SLC1A7: variants seen among roughly 807,000 people sequenced by gnomAD.
The protein encoded by SLC1A7 is solute carrier family 1 member 7.
SLC1A7 carries 40 observed loss-of-function variants against 47.7 expected under a neutral mutation model. That is an observed-to-expected ratio of 0.84 (90% CI 0.65 to 1.09). The LOEUF (loss-of-function observed/expected upper bound fraction) is 1.09. SLC1A7 is among the 50% of genes least tolerant of loss of function. SLC1A7 has a pLI of 0.00. For synonymous variants in SLC1A7, 323 were observed against 325.6 expected, an observed-to-expected ratio of 0.99 and a Z score of 0.09; for missense variants, 746 against 769.5, an observed-to-expected ratio of 0.97 and a Z score of 0.36.
At chr1:53,094,162 T>C (rs1200192314) in intron 5 of SLC1A7, among the ~76,000 whole-genome samples, 2 of 152,220 alleles carry the variant, frequency 1.3e-5, no homozygotes, top group Admixed American at 6.5e-5. Flanking sequence ...TTTTTTCCCG[T>C]CTCCTCTGCG....
chr1:53,104,102 C>A (rs1369426506), intron 4 of SLC1A7, among the ~76,000 whole-genome samples: 1 of 152,116 alleles, frequency 6.6e-6, no homozygotes, highest in Non-Finnish European at 1.5e-5. Context: ...ATGGGTCTCA[C>A]CCCATCATCC....
intron 3 of SLC1A7, among the ~76,000 whole-genome samples, chr1:53,112,400 C>G (rs2150331133): frequency 6.6e-6 from 1 of 152,350 alleles, no homozygotes; most frequent in East Asian, 1.9e-4. Context: ...CAGTCCAAAC[C>G]AGCAGAACTT....
chr1:53,135,814 G>A (rs1441887687), intron 1 of SLC1A7, among the ~76,000 whole-genome samples: 2 of 152,222 alleles, frequency 1.3e-5, no homozygotes, highest in Admixed American at 1.3e-4. Flanking sequence ...TTCAGAGGGT[G>A]AGGTTGTGGG....
At chr1:53,112,557 G>A (rs919773301) in intron 3 of SLC1A7, among the ~76,000 whole-genome samples, 3 of 152,256 alleles carry the variant, frequency 2.0e-5, no homozygotes, top group Non-Finnish European at 4.4e-5. Flanking sequence ...TATCCCCACG[G>A]GGGAGGAAAG....
At chr1:53,092,442 G>C (rs1280810443) in intron 7 of SLC1A7, 112 bp downstream of exon 7, 2 of 770,496 alleles carry the variant, frequency 2.6e-6, no homozygotes, top group Non-Finnish European at 4.4e-6. Flanking sequence ...TTGTGAGGTG[G>C]GCCACACTGG....
intron 2 of SLC1A7, among the ~76,000 whole-genome samples, chr1:53,125,208 C>G (rs1258656267): frequency 1.3e-5 from 2 of 152,200 alleles, no homozygotes; most frequent in African/African-American, 2.4e-5. Flanking sequence ...CGTTCCTATA[C>G]TAATGTAATG....
chr1:53,133,821 C>A (rs1378695916), intron 2 of SLC1A7, among the ~76,000 whole-genome samples: 1 of 148,740 alleles, frequency 6.7e-6, no homozygotes, highest in Non-Finnish European at 1.5e-5. Flanking sequence ...CCGCCCTTGT[C>A]CCCAAGTCCC....
intron 4 of SLC1A7, 53 bp downstream of exon 4, chr1:53,105,679 C>T: frequency 2.2e-6 from 3 of 1,375,198 alleles, no homozygotes; most frequent in South Asian, 1.2e-5. Context: ...CTGCTGCCTG[C>T]CCTCCTGCCT....
At chr1:53,090,000 C>T in intron 8 of SLC1A7, 66 bp from the exon 9 acceptor site, 1 of 1,582,320 alleles carries the variant, frequency 6.3e-7, no homozygotes, top group Non-Finnish European at 8.6e-7. Flanking sequence ...GGGTCTGGCT[C>T]CAAGGAAGAG....
At chr1:53,115,220 C>T (rs1198445042) in intron 2 of SLC1A7, 6 of 568,844 alleles carry the variant, frequency 1.1e-5, no homozygotes, top group Non-Finnish European at 1.9e-5. Flanking sequence ...GCAGAGAGCC[C>T]AGGCCAGGGT....
At chr1:53,133,903 C>A (rs1355152207) in intron 2 of SLC1A7, among the ~76,000 whole-genome samples, 1 of 152,116 alleles carries the variant, frequency 6.6e-6, no homozygotes, top group East Asian at 1.9e-4. Flanking sequence ...GTTGTTATTC[C>A]CATTTTACAG....
chr1:53,095,907 C>T (rs1644482722), intron 5 of SLC1A7, among the ~76,000 whole-genome samples: 1 of 150,448 alleles, frequency 6.6e-6, no homozygotes, highest in Non-Finnish European at 1.5e-5. Context: ...TACACTCACA[C>T]AACCCGCCTC....
At chr1:53,105,641 C>T (rs1199434359) in intron 4 of SLC1A7, 91 bp downstream of exon 4, 26 of 1,009,654 alleles carry the variant, frequency 2.6e-5, no homozygotes, top group Admixed American at 5.1e-5. Context: ...GCCAGCACAC[C>T]TGTCACTTCC....
At chr1:53,117,227 G>T (rs192477345) in intron 2 of SLC1A7, among the ~76,000 whole-genome samples, 5 of 152,176 alleles carry the variant, frequency 3.3e-5, no homozygotes, top group Admixed American at 3.3e-4. Context: ...CGTGCTGTTC[G>T]ATGTGGCCCG....
chr1:53,103,266 T>G, intron 5 of SLC1A7, 80 bp downstream of exon 5: 1 of 995,868 alleles, frequency 1.0e-6, no homozygotes, highest in Non-Finnish European at 1.5e-6. Flanking sequence ...CAGACCTCAG[T>G]AAGAGGTGGA....
intron 2 of SLC1A7, among the ~76,000 whole-genome samples, chr1:53,133,626 C>A (rs1644962727): frequency 6.6e-6 from 1 of 152,168 alleles, no homozygotes; most frequent in African/African-American, 2.4e-5. Flanking sequence ...ATCTGGAATA[C>A]TCAAGACCTG....
chr1:53,140,682 T>C (rs540241070), intron 1 of SLC1A7, among the ~76,000 whole-genome samples: 21 of 152,308 alleles, frequency 1.4e-4, no homozygotes, highest in African/African-American at 4.8e-4. Flanking sequence ...ACCTACTGTA[T>C]GCTGGGCATT....
At chr1:53,106,463 G>C (rs1374841579) in intron 3 of SLC1A7, among the ~76,000 whole-genome samples, 2 of 151,910 alleles carry the variant, frequency 1.3e-5, no homozygotes, top group Non-Finnish European at 2.9e-5. Context: ...AATTAGCTGG[G>C]CACGGTGGCG....
chr1:53,103,707 G>T lies in SLC1A7; in HGVS notation c.475-139C>A. ...GATTGACAGTAACCCTGTGAGGCAG[G>T]CAGAGCAGGGATTGCTATCAATATT... On this transcript the variant is annotated intron_variant, in intron 4 of 10. Coordinates refer to ENST00000371494, the MANE Select transcript of SLC1A7 (RefSeq NM_006671.6). 1.8e-5 allele frequency: 10 copies of T among 565,934 alleles called. No homozygotes were observed. In the South Asian group the frequency reaches 2.5e-4, roughly 14 times the overall value. 35.1% of individuals were successfully genotyped at this position (565,934 alleles called of 1,614,324 possible). A position where few individuals can be genotyped will look rare whatever the true frequency, so the allele number is the denominator to read the frequency against.
Sources: allele counts gnomAD v4.1 joint callset (sites outside exome capture counted in the v4.1 genomes callset), GRCh38; gene constraint gnomAD v4.1.1; transcripts MANE v1.5; gene names NCBI Gene and HGNC (gene_info 2026-07-23, HGNC 2026-07-21).